NRG2: variants seen among roughly 807,000 people sequenced by gnomAD.
NRG2 encodes pro-neuregulin-2, membrane-bound isoform.
In NRG2, 27 loss-of-function variants were observed where a neutral mutation model predicts 73.9. That is an observed-to-expected ratio of 0.37 (90% CI 0.27 to 0.50). NRG2 has a LOEUF of 0.50. Among genes scored for constraint, NRG2 ranks in the 20% least tolerant of loss-of-function variants. The probability of loss-of-function intolerance (pLI) is 0.96; values close to 1 mark genes in which losing one functional copy is unlikely to be tolerated. For missense variants in NRG2, 1,126 were observed against 1,210.1 expected (o/e 0.93, Z 1.03); for synonymous variants, 532 against 541.0 (o/e 0.98, Z 0.23).
intron 1 of NRG2, among the ~76,000 whole-genome samples, chr5:139,967,831 C>T (rs959433781): frequency 6.6e-6 from 1 of 151,864 alleles, no homozygotes; most frequent in Admixed American, 6.6e-5. Context: ...TGGTGGCGGG[C>T]GCCTGTAGTC....
At chr5:139,906,784 C>T (rs1765260999) in intron 1 of NRG2, among the ~76,000 whole-genome samples, 1 of 152,180 alleles carries the variant, frequency 6.6e-6, no homozygotes, top group African/African-American at 2.4e-5. Flanking sequence ...TGTTGACACA[C>T]AGCTTGACAG....
intron 1 of NRG2, among the ~76,000 whole-genome samples, chr5:139,965,459 C>A (rs1439397513): frequency 6.6e-6 from 1 of 152,236 alleles, no homozygotes; most frequent in Non-Finnish European, 1.5e-5. Context: ...AGCAGAGCGA[C>A]GCAGTCCTCC....
intron 1 of NRG2, among the ~76,000 whole-genome samples, chr5:139,970,731 G>A (rs960983695): frequency 6.6e-6 from 1 of 152,246 alleles, no homozygotes; most frequent in Non-Finnish European, 1.5e-5. Flanking sequence ...GTAGGAAGCA[G>A]TGGGAAGGCA....
intron 1 of NRG2, among the ~76,000 whole-genome samples, chr5:140,031,477 T>C (rs987387466): frequency 1.3e-5 from 2 of 152,170 alleles, no homozygotes; most frequent in African/African-American, 4.8e-5. Context: ...TTCTTTCTTT[T>C]AAAAAAATTT....
At chr5:140,029,009 T>C (rs1260568860) in intron 1 of NRG2, among the ~76,000 whole-genome samples, 1 of 152,174 alleles carries the variant, frequency 6.6e-6, no homozygotes, top group Non-Finnish European at 1.5e-5. Context: ...GCTTGACATG[T>C]CAGAGAAGAA....
At chr5:140,025,546 T>G (rs767226968) in intron 1 of NRG2, among the ~76,000 whole-genome samples, 1 of 152,242 alleles carries the variant, frequency 6.6e-6, no homozygotes, top group Non-Finnish European at 1.5e-5. Context: ...TCTTGAATAA[T>G]CTTTTCAAGG....
rs191838204 is a variant in NRG2 at position 139,991,658 on chromosome 5, A to G, written c.700+50712T>C. Among the ~76,000 whole-genome samples, 265 of 152,188 alleles carry G rather than the reference A, an allele frequency of 1.7e-3. 1 individual carries two copies. Among genetic ancestry groups the G allele is most frequent in the African/African-American group, 6.1e-3 (252 of 41,510 alleles). ...GTGATCTGCCCACCTCAGCCTCCCA[A>G]AGTGCTGGGATTACAGGCGTGAGCC... On this transcript the variant is annotated intron_variant, in intron 1 of 9. Coordinates refer to ENST00000361474, the MANE Select transcript of NRG2 (RefSeq NM_004883.3).
intron 1 of NRG2, among the ~76,000 whole-genome samples, chr5:140,012,802 C>A (rs897799123): frequency 6.6e-6 from 1 of 152,116 alleles, no homozygotes; most frequent in African/African-American, 2.4e-5. Context: ...CATTCATGAT[C>A]AATTTTTATA....
At position 139,991,003 on chromosome 5, in the gene NRG2, C is replaced by T. The variant is rs565578438; in HGVS notation, c.700+51367G>A. Among the ~76,000 whole-genome samples the T allele has an allele frequency of 3.9e-5, 6 of 152,218 alleles. No individual in the cohort carries two copies. The East Asian group carries it at 1.2e-3, about 29-fold the overall frequency. Reference sequence around the variant, plus strand: ...GTATATAATAATTCTCAGCAGGGCGCGGTGGCTCATGCCTGTAATCCCAGC... The same window carrying T: ...GTATATAATAATTCTCAGCAGGGCGTGGTGGCTCATGCCTGTAATCCCAGC... On this transcript the variant is annotated intron_variant, in intron 1 of 9. Transcript: ENST00000361474.
In NRG2 at chr5:139,848,607, C is replaced by T. The variant is rs761805770; in HGVS notation, c.1863G>A (p.Thr621=). ...ACACGGCGTGCGCCGAGTTGGGGGA[C>T]GTGATCTCGAAAGTTGGCACCTGCG... is the stretch of plus-strand genomic sequence containing the variant. ...LATQVPTFEI[T]SPNSAHAVSL... The change falls in exon 10 of 10, where the codon ACG becomes ACA. Residue 621 remains threonine, a synonymous_variant. Transcript: ENST00000361474. The T allele has an allele frequency of 5.1e-6, 8 of 1,576,346 alleles. No individual in the cohort carries two copies. The South Asian group carries it at 9.1e-5, about 18-fold the overall frequency.
At chr5:139,866,610 G>C (rs1762485125) in intron 4 of NRG2, among the ~76,000 whole-genome samples, 1 of 152,154 alleles carries the variant, frequency 6.6e-6, no homozygotes, top group Non-Finnish European at 1.5e-5. Context: ...TCCACATCAA[G>C]GTCCTAGTGG....
At chr5:139,906,442 T>C (rs535728902) in intron 1 of NRG2, among the ~76,000 whole-genome samples, 5 of 152,224 alleles carry the variant, frequency 3.3e-5, no homozygotes, top group South Asian at 4.1e-4. Context: ...CCAAAGCCTA[T>C]ACCTCAGCCA....
intron 3 of NRG2, among the ~76,000 whole-genome samples, chr5:139,874,281 G>A (rs1763040923): frequency 6.6e-6 from 1 of 152,200 alleles, no homozygotes; most frequent in Non-Finnish European, 1.5e-5. Flanking sequence ...TGAAGGTGAC[G>A]TGGACTCTCC....
At chr5:139,978,092 A>T (rs1756513195) in intron 1 of NRG2, among the ~76,000 whole-genome samples, 1 of 152,234 alleles carries the variant, frequency 6.6e-6, no homozygotes, top group Non-Finnish European at 1.5e-5. Context: ...AAATTGACAA[A>T]TAGGATCTAA....
In NRG2 at chr5:139,847,948, G is replaced by C. The variant is rs527935115; in HGVS notation, c.2522C>G (p.Pro841Arg). ...TGGCGCCGAGTCCTGCTTGGCCCGCGGGGGCGGCCCGCGGCTGTGTCTGCT... is the reference window on the plus strand; with the variant it reads ...TGGCGCCGAGTCCTGCTTGGCCCGCCGGGGCGGCCCGCGGCTGTGTCTGCT... ...ASSRHSRGPP[P>R]RAKQDSAPL The change falls in exon 10 of 10, where the codon CCG becomes CGG. Residue 841 changes from proline to arginine, a missense_variant. Physicochemically the swap from Pro to Arg is moderately radical, Grantham distance 103. Around this residue, in one of 3 missense-constraint regions of NRG2, gnomAD observed 402 missense variants for 357.8 expected, o/e 1.12. Coordinates refer to ENST00000361474, the MANE Select transcript of NRG2 (RefSeq NM_004883.3). 11 of 1,504,642 alleles carry C rather than the reference G, an allele frequency of 7.3e-6. No individual in the cohort carries two copies. The highest frequency in any genetic ancestry group is 9.7e-6 in the Non-Finnish European group (11 of 1,131,964). 93.2% of individuals were successfully genotyped at this position (1,504,642 alleles called of 1,614,324 possible).
chr5:139,874,805 T>G (rs111345339), intron 3 of NRG2, among the ~76,000 whole-genome samples: 2,889 of 152,294 alleles, frequency 0.019, 91 homozygotes, highest in African/African-American at 0.066. Context: ...TCCTTCAGTA[T>G]ATTTCAGACT....
intron 1 of NRG2, among the ~76,000 whole-genome samples, chr5:139,964,404 T>C (rs1341095607): frequency 6.8e-6 from 1 of 146,044 alleles, no homozygotes; most frequent in Non-Finnish European, 1.5e-5. Context: ...ATGCCCATTC[T>C]AGAATCACAG....
intron 1 of NRG2, among the ~76,000 whole-genome samples, chr5:139,924,337 A>C (rs1751892522): frequency 6.6e-6 from 1 of 152,232 alleles, no homozygotes; most frequent in South Asian, 2.1e-4. Context: ...ACAATATCAA[A>C]AGTACAGAAT....
At chr5:139,957,513 T>C (rs568305564) in intron 1 of NRG2, among the ~76,000 whole-genome samples, 91 of 152,312 alleles carry the variant, frequency 6.0e-4, no homozygotes, top group Admixed American at 1.2e-3. Flanking sequence ...AAGTCAGCCA[T>C]GGGTCTAGTA....
Sources: allele counts gnomAD v4.1 joint callset (sites outside exome capture counted in the v4.1 genomes callset), GRCh38; gene constraint gnomAD v4.1.1; regional missense constraint gnomAD v4.1.1; transcripts MANE v1.5; gene names NCBI Gene and HGNC (gene_info 2026-07-23, HGNC 2026-07-21).